POLR2E: variants seen among roughly 807,000 people sequenced by gnomAD.
POLR2E encodes RNA polymerase II, I and III subunit E.
A neutral mutation model predicts 29.8 loss-of-function variants in POLR2E; 35 were observed. The observed-to-expected ratio is 1.17, with a 90% CI of 0.90 to 1.55. The LOEUF is 1.55. POLR2E is among the 40% of genes most tolerant of loss of function. The probability of loss-of-function intolerance (pLI) is 0.00; values close to 1 mark genes in which losing one functional copy is unlikely to be tolerated. For synonymous variants in POLR2E, 174 were observed against 112.6 expected, an observed-to-expected ratio of 1.55 and a Z score of -3.45; for missense variants, 287 against 288.6, an observed-to-expected ratio of 0.99 and a Z score of 0.04.
At chr19:1,092,622 A>T (rs1239159014) in intron 2 of POLR2E, among the ~76,000 whole-genome samples, 1 of 152,110 alleles carries the variant, frequency 6.6e-6, no homozygotes, top group African/African-American at 2.4e-5. Context: ...CGGGAGGCAG[A>T]GCTTGCAGTG....
chr19:1,094,972 C>A, intron 1 of POLR2E: 10 of 394,050 alleles, frequency 2.5e-5, no homozygotes, highest in East Asian at 1.1e-4. Flanking sequence ...CGTCCCCATT[C>A]GCGGCTTCCT....
chr19:1,090,989 C>A lies in POLR2E; in HGVS notation c.349-1G>T. 6.2e-7 allele frequency: 1 copy of A among 1,613,580 alleles called. No homozygotes were observed. The highest frequency in any genetic ancestry group is 8.5e-7 in the Non-Finnish European group (1 of 1,179,944). On this transcript the variant is annotated splice_acceptor_variant, in intron 3 of 7. Transcript: ENST00000615234. LOFTEE classifies it high-confidence loss of function. ...ACTTGGGGGCCATGTCGACCAGGGA[C>A]TGGAAGAGAGCGGCTCTAAGGCACG... is the stretch of plus-strand genomic sequence containing the variant.
chr19:1,089,992 C>T (rs1305879268), intron 5 of POLR2E, 30 bp from the exon 6 acceptor site: 10 of 1,582,352 alleles, frequency 6.3e-6, no homozygotes, highest in African/African-American at 3.0e-5. Flanking sequence ...AAATGCCAGA[C>T]AGGGCCGTTG....
At position 1,089,904 on chromosome 19, in the gene POLR2E, A is replaced by C; in HGVS notation, c.547T>G (p.Phe183Val). The C allele has an allele frequency of 6.2e-7, 1 of 1,612,488 alleles. No homozygotes were observed. Among genetic ancestry groups the C allele is most frequent in the African/African-American group, 1.3e-5 (1 of 74,942 alleles). Reference sequence around the variant, plus strand: ...CTCACCTGCCCACGCTTTATCCCAAAGTAGCGCGCCACAGGGTCCCCCGCC... The same window carrying C: ...CTCACCTGCCCACGCTTTATCCCAACGTAGCGCGCCACAGGGTCCCCCGCC... ...IQAGDPVARY[F>V]GIKRGQVVKI... is the part of the protein sequence containing the mutation. Residue 183 changes from phenylalanine (F) to valine (V), a missense_variant, in exon 6 of 8, where the codon TTT becomes GTT. By Grantham distance (50) the Phe-to-Val change is conservative. Coordinates refer to ENST00000615234, the MANE Select transcript of POLR2E (RefSeq NM_002695.5).
intron 3 of POLR2E, chr19:1,091,514 C>G: frequency 2.0e-6 from 1 of 488,504 alleles, no homozygotes; most frequent in South Asian, 2.2e-5. Context: ...TGCACCAGGC[C>G]GAGGGCTGGA....
At position 1,086,614 on chromosome 19, in the gene POLR2E, A is replaced by G. The variant is rs1415543148; in HGVS notation, c.*2121T>C. ...GGCACGTTTATTTTGCTGAAATAAA[A>G]AGTTTTTAATCGGGTGTTTTCTGTG... On this transcript the variant is annotated 3_prime_UTR_variant, in exon 8 of 8. Transcript: ENST00000615234. 1 of 151,830 alleles carries G rather than the reference A, an allele frequency of 6.6e-6. No individual in the cohort carries two copies. Among genetic ancestry groups the G allele is most frequent in the Non-Finnish European group, 1.5e-5 (1 of 67,660 alleles). 9.4% of individuals were successfully genotyped at this position (151,830 alleles called of 1,614,324 possible).
At chr19:1,091,456 T>C in intron 3 of POLR2E, 1 of 381,604 alleles carries the variant, frequency 2.6e-6, no homozygotes, top group Non-Finnish European at 4.9e-6. Flanking sequence ...CCTCTGCAAG[T>C]CCCCCTGGAC....
intron 4 of POLR2E, 121 bp from the exon 5 acceptor site, chr19:1,090,266 C>A: frequency 2.4e-6 from 2 of 846,476 alleles, no homozygotes; most frequent in Non-Finnish European, 3.9e-6. Context: ...CACCCCGATC[C>A]CCGGCACTCA....
At position 1,095,346 on chromosome 19, in the gene POLR2E, C is replaced by T. The variant is rs1313525268; in HGVS notation, c.-31G>A. Reference sequence around the variant, plus strand: ...CCTCCGCCGCCGCCGCCGCTCGCACCCCTTCTCCGCGCGAGAACCCGCGCG... The same window carrying T: ...CCTCCGCCGCCGCCGCCGCTCGCACTCCTTCTCCGCGCGAGAACCCGCGCG... On this transcript the variant is annotated 5_prime_UTR_variant, in exon 1 of 8. Transcript: ENST00000615234. 2 of 1,611,998 alleles carry T rather than the reference C, an allele frequency of 1.2e-6. No individual in the cohort carries two copies. Among genetic ancestry groups the T allele is most frequent in the Non-Finnish European group, 1.7e-6 (2 of 1,179,228 alleles).
chr19:1,089,359 G>C (rs769384911), intron 7 of POLR2E, 113 bp downstream of exon 7: 34 of 712,126 alleles, frequency 4.8e-5, no homozygotes, highest in Non-Finnish European at 8.0e-5. Flanking sequence ...AGCTGGGCTG[G>C]TGCTAGGAGG....
chr19:1,089,850 C>A (rs763817295), intron 6 of POLR2E, 34 bp downstream of exon 6: 4 of 1,546,010 alleles, frequency 2.6e-6, no homozygotes, highest in Non-Finnish European at 3.6e-6. Flanking sequence ...CAGCTCAGAG[C>A]AGCCCCAGGG....
intron 7 of POLR2E, among the ~76,000 whole-genome samples, chr19:1,089,172 C>T (rs894369071): frequency 2.0e-5 from 3 of 152,200 alleles, no homozygotes; most frequent in African/African-American, 4.8e-5. Flanking sequence ...TGGAAAGTCC[C>T]GCCGCACAAC....
intron 2 of POLR2E, 64 bp from the exon 3 acceptor site, chr19:1,091,971 G>A (rs1039509499): frequency 1.0e-4 from 114 of 1,134,324 alleles, no homozygotes; most frequent in Non-Finnish European, 1.4e-4. Flanking sequence ...CCCACCCAGA[G>A]CCCAGAGCAC....
At chr19:1,088,908 G>A (rs778998074) in intron 7 of POLR2E, among the ~76,000 whole-genome samples, 188 bp from the exon 8 acceptor site, 6 of 152,184 alleles carry the variant, frequency 3.9e-5, no homozygotes, top group Non-Finnish European at 7.4e-5. Flanking sequence ...TGACCTCAAA[G>A]GAACCGTGCC....
At chr19:1,093,181 T>G in intron 2 of POLR2E, among the ~76,000 whole-genome samples, 1 of 151,816 alleles carries the variant, frequency 6.6e-6, no homozygotes, top group Non-Finnish European at 1.5e-5. Context: ...TTGAGACTCT[T>G]TTTCAAAAAA....
At position 1,094,043 on chromosome 19, in the gene POLR2E, G is replaced by C. The variant is rs754136230; in HGVS notation, c.93C>G (p.Asp31Glu). 3 of 1,613,220 alleles carry C rather than the reference G, an allele frequency of 1.9e-6. No individual in the cohort carries two copies. Among genetic ancestry groups the C allele is most frequent in the South Asian group, 2.2e-5 (2 of 91,042 alleles). Residue 31 changes from aspartate to glutamate, a missense_variant, in exon 2 of 8, where the codon GAC (aspartate) becomes GAG (glutamate). Coordinates refer to ENST00000615234, the MANE Select transcript of POLR2E (RefSeq NM_002695.5). The stretch of plus-strand genomic sequence containing the variant: ...ACTCCTCCAGGGTCTGGTCAAGCTC[G>C]TCCTGGGTCACCAGATAGCCACGGT... ...CHDRGYLVTQ[D>E]ELDQTLEEFK...
intron 5 of POLR2E, 23 bp downstream of exon 5, chr19:1,090,064 G>A: frequency 1.2e-6 from 2 of 1,606,970 alleles, no homozygotes; most frequent in South Asian, 1.1e-5. Context: ...GAGGGGCGGG[G>A]CCGGTGGGGC....
intron 1 of POLR2E, chr19:1,094,902 G>A (rs773219759): frequency 8.7e-5 from 29 of 331,542 alleles, no homozygotes; most frequent in Non-Finnish European, 1.5e-4. Flanking sequence ...TGGGGTTCAG[G>A]ACGCAAGGAC....
chr19:1,095,347 C>T lies in POLR2E; in HGVS notation c.-32G>A, dbSNP rs771115769. 6.2e-6 allele frequency: 10 copies of T among 1,611,860 alleles called. No individual in the cohort carries two copies. Among genetic ancestry groups the T allele is most frequent in the African/African-American group, 1.3e-5 (1 of 74,866 alleles). On this transcript the variant is annotated 5_prime_UTR_variant, in exon 1 of 8. Transcript: ENST00000615234. ...CTCCGCCGCCGCCGCCGCTCGCACC[C>T]CTTCTCCGCGCGAGAACCCGCGCGG...
Sources: allele counts gnomAD v4.1 joint callset (sites outside exome capture counted in the v4.1 genomes callset), GRCh38; gene constraint gnomAD v4.1.1; transcripts MANE v1.5; gene names NCBI Gene and HGNC (gene_info 2026-07-23, HGNC 2026-07-21).